Variants in NRXN3 observed in about 807,000 individuals in gnomAD.
NRXN3 encodes the protein neurexin III.
Under a neutral mutation model 137.6 loss-of-function variants are expected in NRXN3, and 32 were observed. The observed-to-expected ratio is 0.23, with a 90% CI of 0.18 to 0.31. The LOEUF (loss-of-function observed/expected upper bound fraction) is 0.31. Ranked by LOEUF, NRXN3 falls within the 10% of genes least tolerant of loss-of-function variation. The pLI is 1.00. For missense variants in NRXN3, 1,574 were observed against 2,062.5 expected (o/e 0.76, Z 4.59); for synonymous variants, 798 against 784.5 (o/e 1.02, Z -0.29).
At chr14:79,606,840 T>C (rs1176074939) in intron 16 of NRXN3, among the ~76,000 whole-genome samples, 1 of 152,194 alleles carries the variant, frequency 6.6e-6, no homozygotes, top group African/African-American at 2.4e-5. Context: ...CAGAAAAGAA[T>C]AGCGTGGACA....
chr14:78,394,329 A>G (rs1230164624), intron 4 of NRXN3, among the ~76,000 whole-genome samples: 1 of 151,922 alleles, frequency 6.6e-6, no homozygotes, highest in Non-Finnish European at 1.5e-5. Context: ...AATTGATATA[A>G]CCATGTGTTT....
At chr14:78,857,127 C>T (rs1056513230) in intron 10 of NRXN3, among the ~76,000 whole-genome samples, 1 of 152,052 alleles carries the variant, frequency 6.6e-6, no homozygotes, top group Admixed American at 6.6e-5. Context: ...CTCTTCAGGC[C>T]AGACTCCTAT....
At chr14:78,588,831 T>C (rs971864508) in intron 4 of NRXN3, among the ~76,000 whole-genome samples, 2 of 152,222 alleles carry the variant, frequency 1.3e-5, no homozygotes, top group Non-Finnish European at 2.9e-5. Flanking sequence ...GAGACTGTGC[T>C]GTATTTTCTG....
At chr14:78,547,022 C>T (rs1025406484) in intron 4 of NRXN3, among the ~76,000 whole-genome samples, 11 of 152,100 alleles carry the variant, frequency 7.2e-5, no homozygotes, top group African/African-American at 2.7e-4. Flanking sequence ...CACTCTTTTC[C>T]CACTGAATTA....
intron 4 of NRXN3, among the ~76,000 whole-genome samples, chr14:78,328,559 A>G (rs914475697): frequency 3.9e-5 from 6 of 152,220 alleles, no homozygotes; most frequent in Non-Finnish European, 7.3e-5. Flanking sequence ...CAACTATCCA[A>G]TTGAATTTGA....
chr14:79,108,956 G>T (rs903330515), intron 15 of NRXN3, among the ~76,000 whole-genome samples: 2 of 152,176 alleles, frequency 1.3e-5, no homozygotes, highest in Non-Finnish European at 2.9e-5. Flanking sequence ...GAGTTGGACA[G>T]CATTGGAGCA....
intron 15 of NRXN3, among the ~76,000 whole-genome samples, chr14:79,197,891 A>G (rs12432016): frequency 0.34 from 51,163 of 152,130 alleles, 8,868 homozygotes; most frequent in Non-Finnish European, 0.39. Flanking sequence ...AAACCCTGCC[A>G]TTGCTTTTTC....
chr14:79,501,789 C>T (rs925928383), intron 16 of NRXN3, among the ~76,000 whole-genome samples: 2 of 150,360 alleles, frequency 1.3e-5, no homozygotes, highest in African/African-American at 4.9e-5. Flanking sequence ...GACTCTAAAA[C>T]TGAGACCCTA....
chr14:78,782,086 C>T (rs1228397408), intron 8 of NRXN3, among the ~76,000 whole-genome samples: 1 of 152,176 alleles, frequency 6.6e-6, no homozygotes, highest in African/African-American at 2.4e-5. Context: ...TCTGGGCTTC[C>T]CCGGGGGTCT....
rs538629546 is a variant in NRXN3 at position 79,413,957 on chromosome 14, C to T, written c.3263-53264C>T. Among the ~76,000 whole-genome samples the T allele has an allele frequency of 8.4e-4, 125 of 149,312 alleles. 1 individual carries two copies. The highest frequency in any genetic ancestry group is 2.7e-3 in the African/African-American group (108 of 40,472). On this transcript the variant is annotated intron_variant, in intron 15 of 20. Coordinates refer to ENST00000335750, the MANE Select transcript of NRXN3 (RefSeq NM_001330195.2). Reference sequence around the variant, plus strand: ...GGCAGAATTGAGTCATTGCTACAGGCAGTGCATGGCCTGCAAAACCTGTGA... The same window carrying T: ...GGCAGAATTGAGTCATTGCTACAGGTAGTGCATGGCCTGCAAAACCTGTGA...
At chr14:79,020,605 G>A (rs2099587974) in intron 15 of NRXN3, among the ~76,000 whole-genome samples, 2 of 151,876 alleles carry the variant, frequency 1.3e-5, no homozygotes, top group African/African-American at 4.8e-5. Context: ...AGAGTTTGCA[G>A]CTGAGACTGC....
At chr14:79,803,403 C>T (rs2099189504) in intron 19 of NRXN3, among the ~76,000 whole-genome samples, 1 of 152,092 alleles carries the variant, frequency 6.6e-6, no homozygotes. Flanking sequence ...ATCAAGGTGT[C>T]AGCAGAATTA....
chr14:78,308,924 C>A (rs1482556278), intron 4 of NRXN3, among the ~76,000 whole-genome samples: 1 of 152,032 alleles, frequency 6.6e-6, no homozygotes, highest in African/African-American at 2.4e-5. Flanking sequence ...ACAACACACT[C>A]TTCTATTATT....
At chr14:78,674,860 CT>C (rs1252410696) in intron 6 of NRXN3, among the ~76,000 whole-genome samples, 6 of 152,174 alleles carry the variant, frequency 3.9e-5, no homozygotes, top group African/African-American at 1.4e-4. Context: ...GAAAACATTC[CT>C]CAGTCTTCAT....
At chr14:78,593,679 G>A (rs1443831215) in intron 4 of NRXN3, among the ~76,000 whole-genome samples, 1 of 152,130 alleles carries the variant, frequency 6.6e-6, no homozygotes, top group Non-Finnish European at 1.5e-5. Flanking sequence ...TCTTGGGTGG[G>A]AGAGAGCCAG....
At chr14:78,664,841 G>C (rs994681735) in intron 6 of NRXN3, among the ~76,000 whole-genome samples, 1 of 152,130 alleles carries the variant, frequency 6.6e-6, no homozygotes, top group African/African-American at 2.4e-5. Flanking sequence ...TTAAACATAG[G>C]TCCTGACACA....
intron 8 of NRXN3, among the ~76,000 whole-genome samples, chr14:78,801,048 G>A (rs564776595): frequency 3.9e-5 from 6 of 152,312 alleles, no homozygotes; most frequent in Admixed American, 6.5e-5. Flanking sequence ...GAGGCCGGGC[G>A]CAGTGGCTCA....
intron 10 of NRXN3, among the ~76,000 whole-genome samples, chr14:78,870,810 C>T (rs908885125): frequency 3.2e-4 from 48 of 151,856 alleles, no homozygotes; most frequent in African/African-American, 9.9e-4. Flanking sequence ...GCCTGGCTTA[C>T]TTCTTAACAT....
intron 8 of NRXN3, among the ~76,000 whole-genome samples, chr14:78,726,741 A>G (rs1189773595): frequency 6.6e-6 from 1 of 151,578 alleles, no homozygotes; most frequent in East Asian, 1.9e-4. Context: ...CTGGTCTCGA[A>G]CTTGTGAGCT....
Sources: gnomAD v4.1 joint callset for allele counts (sites outside exome capture counted in the v4.1 genomes callset) on GRCh38, gnomAD v4.1.1 for gene constraint, MANE v1.5 for transcripts, NCBI Gene and HGNC (gene_info 2026-07-23, HGNC 2026-07-21) for gene names.